Variants in HLCS observed in about 807,000 individuals in gnomAD.
HLCS encodes biotin--protein ligase.
A neutral mutation model predicts 75.0 loss-of-function variants in HLCS; 53 were observed. The ratio of observed to expected loss-of-function variants is 0.71; its 90% CI spans 0.57 to 0.89. HLCS has a LOEUF of 0.89. HLCS is among the 40% of genes least tolerant of loss of function. The probability of loss-of-function intolerance (pLI) is 0.00; values close to 1 mark genes in which losing one functional copy is unlikely to be tolerated. For synonymous variants in HLCS, 431 were observed against 428.6 expected (o/e 1.01, Z -0.07); for missense variants, 966 against 1,074.0 (o/e 0.90, Z 1.41).
At chr21:36,901,059 A>C (rs1427749937) in intron 5 of HLCS, among the ~76,000 whole-genome samples, 7 of 152,018 alleles carry the variant, frequency 4.6e-5, no homozygotes, top group Non-Finnish European at 8.8e-5. Context: ...TCAGGAGTTC[A>C]AGACCAGCCT....
chr21:36,752,181 C>T lies in HLCS; in HGVS notation c.*2065G>A, dbSNP rs1463108611. 1 of 152,652 alleles carries T rather than the reference C, an allele frequency of 6.6e-6. No individual in the cohort carries two copies. Among genetic ancestry groups the T allele is most frequent in the Non-Finnish European group, 1.5e-5 (1 of 68,044 alleles). 9.5% of individuals were successfully genotyped at this position (152,652 alleles called of 1,614,324 possible). The stretch of plus-strand genomic sequence containing the variant: ...CAAGGCTGCTTCATCTCTCTCAGGA[C>T]AACTGAGTCTCCTGCGTGAGGGAGG... On this transcript the variant is annotated 3_prime_UTR_variant, in exon 11 of 11. Coordinates refer to ENST00000674895, the MANE Select transcript of HLCS (RefSeq NM_001352514.2).
chr21:36,926,003 G>C (rs1033603361), intron 5 of HLCS, among the ~76,000 whole-genome samples: 2 of 152,224 alleles, frequency 1.3e-5, no homozygotes, highest in Non-Finnish European at 2.9e-5. Flanking sequence ...TCCCAGCACA[G>C]TAAAGATGTA....
chr21:36,980,927 CT>C, intron 1 of HLCS: 1 of 153,068 alleles, frequency 6.5e-6, no homozygotes, highest in Non-Finnish European at 1.5e-5. Context: ...TCCCGCTGCC[CT>C]TCTCCACTGG....
chr21:36,823,645 G>GTGTGTGTGTGTGTGTGTGTGTGTA (rs1347977458), intron 6 of HLCS, among the ~76,000 whole-genome samples: 1 of 151,302 alleles, frequency 6.6e-6, no homozygotes, highest in African/African-American at 2.4e-5. Flanking sequence ...GTGTGTGTGT[G>GTGTGTGTGTGTGTGTGTGTGTGTA]TGTACACATG....
At chr21:36,779,678 A>G (rs114607021) in intron 6 of HLCS, among the ~76,000 whole-genome samples, 2 of 151,372 alleles carry the variant, frequency 1.3e-5, no homozygotes, top group African/African-American at 4.9e-5. Context: ...TATAGATTCA[A>G]ATATTGTATT....
chr21:36,987,098 C>A (rs2069242064), intron 1 of HLCS, among the ~76,000 whole-genome samples: 1 of 152,252 alleles, frequency 6.6e-6, no homozygotes, highest in Admixed American at 6.5e-5. Flanking sequence ...CTCTATCATT[C>A]TTTGAGCACC....
chr21:36,951,114 T>C (rs889452492), intron 2 of HLCS, among the ~76,000 whole-genome samples: 1 of 152,252 alleles, frequency 6.6e-6, no homozygotes, highest in African/African-American at 2.4e-5. Context: ...ATGTTTTGAA[T>C]TGATGTGATA....
chr21:36,831,936 C>G (rs918463260), intron 6 of HLCS, among the ~76,000 whole-genome samples: 5 of 152,198 alleles, frequency 3.3e-5, no homozygotes, highest in African/African-American at 1.2e-4. Flanking sequence ...GCATCGAGAT[C>G]ATTGATTAGA....
chr21:36,833,229 T>C (rs1318184442), intron 6 of HLCS, among the ~76,000 whole-genome samples: 1 of 151,396 alleles, frequency 6.6e-6, no homozygotes, highest in Non-Finnish European at 1.5e-5. Context: ...GGTCTCACTT[T>C]GTTGCCCAGG....
intron 6 of HLCS, among the ~76,000 whole-genome samples, chr21:36,772,412 G>A (rs935372678): frequency 2.6e-5 from 4 of 151,674 alleles, no homozygotes; most frequent in African/African-American, 9.7e-5. Flanking sequence ...TGAGGTGGGT[G>A]GATCACTTGA....
At chr21:36,901,234 C>T (rs1031215315) in intron 5 of HLCS, among the ~76,000 whole-genome samples, 3 of 151,892 alleles carry the variant, frequency 2.0e-5, no homozygotes, top group South Asian at 4.2e-4. Flanking sequence ...CAGAGAAAGA[C>T]TCGGTCTCAA....
rs1410910297 is a variant in HLCS at position 36,936,540 on chromosome 21, C to A, written c.1346G>T (p.Arg449Met). ...QEGPVRLSPG[R>M]LQGHLENEDK... The stretch of plus-strand genomic sequence containing the variant: ...CTCATTCTCCAGGTGGCCCTGGAGC[C>A]TGCCGGGGCTGAGCCGGACGGGGCC... The change falls in exon 4 of 11, where the codon AGG becomes ATG. Residue 449 changes from arginine to methionine, a missense_variant. Arg to Met is a moderately conservative substitution (Grantham distance 91). Coordinates refer to ENST00000674895, the MANE Select transcript of HLCS (RefSeq NM_001352514.2). The A allele has an allele frequency of 1.2e-6, 2 of 1,614,202 alleles. No individual in the cohort carries two copies. Among genetic ancestry groups the A allele is most frequent in the South Asian group, 1.1e-5 (1 of 91,084 alleles).
intron 6 of HLCS, among the ~76,000 whole-genome samples, chr21:36,885,976 G>T (rs1161801448): frequency 6.6e-6 from 1 of 152,024 alleles, no homozygotes; most frequent in Non-Finnish European, 1.5e-5. Context: ...CCCATCCCAA[G>T]ATCTAAGTAA....
At chr21:36,904,959 C>T (rs753610200) in intron 5 of HLCS, among the ~76,000 whole-genome samples, 2 of 152,322 alleles carry the variant, frequency 1.3e-5, no homozygotes, top group African/African-American at 2.4e-5. Context: ...CTCTGCAATA[C>T]GCAAATGCAC....
intron 7 of HLCS, among the ~76,000 whole-genome samples, 181 bp downstream of exon 7, chr21:36,767,037 T>C (rs1340384333): frequency 6.6e-6 from 1 of 152,104 alleles, no homozygotes; most frequent in Non-Finnish European, 1.5e-5. Context: ...CTACTAAGGG[T>C]GAACCTTCTG....
At chr21:36,803,267 C>T (rs1337576954) in intron 6 of HLCS, among the ~76,000 whole-genome samples, 3 of 152,244 alleles carry the variant, frequency 2.0e-5, no homozygotes, top group Non-Finnish European at 4.4e-5. Context: ...GAGTCCACTC[C>T]TGCAGGCAGG....
At chr21:36,972,490 A>G (rs1601926382) in intron 1 of HLCS, among the ~76,000 whole-genome samples, 2 of 152,258 alleles carry the variant, frequency 1.3e-5, no homozygotes, top group Middle Eastern at 3.4e-3. Flanking sequence ...AATGACAATA[A>G]GTAGGATTCA....
chr21:36,964,302 C>A (rs1287451331), intron 1 of HLCS, among the ~76,000 whole-genome samples: 1 of 152,200 alleles, frequency 6.6e-6, no homozygotes, highest in African/African-American at 2.4e-5. Flanking sequence ...TAGACCCAAG[C>A]AGACTGAGAT....
At chr21:36,800,106 A>T (rs1300527969) in intron 6 of HLCS, among the ~76,000 whole-genome samples, 3 of 152,168 alleles carry the variant, frequency 2.0e-5, no homozygotes, top group Non-Finnish European at 2.9e-5. Context: ...CAACTTCTGG[A>T]CAAATCACTG....
Sources: allele counts gnomAD v4.1 joint callset (sites outside exome capture counted in the v4.1 genomes callset), GRCh38; gene constraint gnomAD v4.1.1; transcripts MANE v1.5; gene names NCBI Gene and HGNC (gene_info 2026-07-23, HGNC 2026-07-21).